KLF8: variants seen among roughly 807,000 people sequenced by gnomAD.
KLF8 encodes Krueppel-like factor 8.
A neutral mutation model predicts 18.2 loss-of-function variants in KLF8; 10 were observed. The ratio of observed to expected loss-of-function variants is 0.55; its 90% CI spans 0.34 to 0.93. The LOEUF (loss-of-function observed/expected upper bound fraction) is 0.93. Among genes scored for constraint, KLF8 ranks in the 40% least tolerant of loss-of-function variants. KLF8 has a pLI of 0.02. For synonymous variants in KLF8, 109 were observed against 97.3 expected (o/e 1.12, Z -0.71); for missense variants, 264 against 277.9 (o/e 0.95, Z 0.36).
chrX:56,204,367 C>A, the KLF8 span, among the ~76,000 whole-genome samples: 3 of 111,536 alleles, frequency 2.7e-5, no homozygotes, highest in East Asian at 8.4e-4. Flanking sequence ...CATCAGCAAA[C>A]AAGAATAATT....
At chrX:56,076,585 G>A in the KLF8 span, among the ~76,000 whole-genome samples, 3 of 111,161 alleles carry the variant, frequency 2.7e-5, no homozygotes, top group African/African-American at 9.8e-5. Flanking sequence ...ATTGTGAATA[G>A]TGCTTCAATA....
the KLF8 span, among the ~76,000 whole-genome samples, chrX:56,072,459 GC>G: frequency 9.0e-6 from 1 of 111,360 alleles, no homozygotes; most frequent in Non-Finnish European, 1.9e-5. Context: ...TGTGTTATTG[GC>G]AGGTAGATTA....
chrX:55,936,814 CA>C, the KLF8 span, among the ~76,000 whole-genome samples: 1 of 106,330 alleles, frequency 9.4e-6, no homozygotes, highest in African/African-American at 3.4e-5. Context: ...TGCAAGTCGG[CA>C]GTGAGGCTGG....
At chrX:56,252,041 C>A (rs1300828824) in intron 2 of KLF8, among the ~76,000 whole-genome samples, 1 of 111,020 alleles carries the variant, frequency 9.0e-6, no homozygotes, top group East Asian at 2.8e-4. Flanking sequence ...GAGATGGAGT[C>A]TCTCTCTGTT....
the KLF8 span, among the ~76,000 whole-genome samples, chrX:56,008,452 A>T: frequency 8.9e-6 from 1 of 111,872 alleles, no homozygotes; most frequent in Non-Finnish European, 1.9e-5. Flanking sequence ...CCCGCAACGA[A>T]GGGAGGCAGT....
chrX:55,941,726 C>G, the KLF8 span, among the ~76,000 whole-genome samples: 1 of 112,037 alleles, frequency 8.9e-6, no homozygotes, highest in Admixed American at 9.5e-5. Flanking sequence ...AGACACTTCT[C>G]AAAAGAAGAC....
the KLF8 span, among the ~76,000 whole-genome samples, chrX:56,192,280 C>T: frequency 9.0e-6 from 1 of 111,470 alleles, no homozygotes; most frequent in African/African-American, 3.2e-5. Context: ...AATAAAATAT[C>T]TTGACATTGA....
the KLF8 span, among the ~76,000 whole-genome samples, chrX:56,018,429 A>G: frequency 8.9e-6 from 1 of 111,990 alleles, no homozygotes; most frequent in Admixed American, 9.5e-5. Context: ...CTCTGAATGA[A>G]AGTCATAATA....
At chrX:55,971,507 A>AT in the KLF8 span, among the ~76,000 whole-genome samples, 1 of 111,273 alleles carries the variant, frequency 9.0e-6, no homozygotes, top group Admixed American at 9.6e-5. Flanking sequence ...AGTGGCAAAG[A>AT]TTTTTTGAGT....
At chrX:55,908,239 G>C in the KLF8 span, 8 of 245,484 alleles carry the variant, frequency 3.3e-5, no homozygotes, top group Non-Finnish European at 5.8e-5. Flanking sequence ...AAAGGGGGCG[G>C]GGAGGCCGCC....
At chrX:56,164,599 G>A in the KLF8 span, among the ~76,000 whole-genome samples, 1 of 101,773 alleles carries the variant, frequency 9.8e-6, no homozygotes, top group Non-Finnish European at 2.0e-5. Context: ...TTATCCTCTA[G>A]AATATATTTA....
chrX:55,966,052 G>C, the KLF8 span, among the ~76,000 whole-genome samples: 1 of 112,298 alleles, frequency 8.9e-6, no homozygotes, highest in African/African-American at 3.2e-5. Context: ...TTGTCTGACT[G>C]TGGAAGAAGG....
At chrX:55,938,311 G>A in the KLF8 span, among the ~76,000 whole-genome samples, 2 of 111,177 alleles carry the variant, frequency 1.8e-5, no homozygotes, top group Non-Finnish European at 3.8e-5. Flanking sequence ...ATACTTTACA[G>A]ACAAGCAAAT....
chrX:56,104,364 G>A, the KLF8 span, among the ~76,000 whole-genome samples: 1,297 of 111,300 alleles, frequency 0.012, 27 homozygotes, highest in African/African-American at 0.04. Flanking sequence ...TGGTTGGTAA[G>A]CTATTGATTA....
chrX:56,200,866 A>T, the KLF8 span, among the ~76,000 whole-genome samples: 6 of 111,837 alleles, frequency 5.4e-5, no homozygotes, highest in African/African-American at 1.3e-4. Flanking sequence ...TATGAAAGAC[A>T]CTCAGCATTA....
chrX:55,988,878 G>T, the KLF8 span, among the ~76,000 whole-genome samples: 13 of 111,014 alleles, frequency 1.2e-4, no homozygotes, highest in Non-Finnish European at 2.3e-4. Flanking sequence ...TTTATTTCAT[G>T]GAGCAGTGGT....
chrX:56,059,173 C>A, the KLF8 span, among the ~76,000 whole-genome samples: 6 of 111,967 alleles, frequency 5.4e-5, no homozygotes, highest in South Asian at 2.2e-3. Context: ...CTGTTCATAT[C>A]ATTTGCCCAC....
the KLF8 span, among the ~76,000 whole-genome samples, chrX:56,005,897 G>C: frequency 8.9e-6 from 1 of 112,126 alleles, no homozygotes; most frequent in Non-Finnish European, 1.9e-5. Flanking sequence ...TGGTCTGCCA[G>C]TTAAGGAGCT....
At chrX:56,206,793 G>C in the KLF8 span, among the ~76,000 whole-genome samples, 1 of 112,663 alleles carries the variant, frequency 8.9e-6, no homozygotes, top group Admixed American at 9.3e-5. Context: ...GCTCCAGATG[G>C]GACTCTGTGT....
Sources: gnomAD v4.1 joint callset for allele counts (sites outside exome capture counted in the v4.1 genomes callset) on GRCh38, gnomAD v4.1.1 for gene constraint, MANE v1.5 for transcripts, NCBI Gene and HGNC (gene_info 2026-07-23, HGNC 2026-07-21) for gene names.